The following P2RY14 variants were observed in gnomAD, a reference collection of about 807,000 sequenced individuals.
The protein encoded by P2RY14 is P2Y purinoceptor 14.
A neutral mutation model predicts 0.9 loss-of-function variants in P2RY14; 2 were observed. The observed-to-expected ratio is 2.16, with a 90% confidence interval of 0.88 to 6.79. P2RY14 has a LOEUF of 6.79. Among genes scored for constraint, P2RY14 ranks in the 30% most tolerant of loss-of-function variants. P2RY14 has a pLI of 0.05. For synonymous variants in P2RY14, 158 were observed against 147.2 expected, an observed-to-expected ratio of 1.07 and a Z score of -0.53; for missense variants, 378 against 400.1, an observed-to-expected ratio of 0.94 and a Z score of 0.47.
At chr3:151,226,030 A>G (rs1191738273) in intron 1 of P2RY14, among the ~76,000 whole-genome samples, 2 of 152,198 alleles carry the variant, frequency 1.3e-5, no homozygotes, top group African/African-American at 4.8e-5. Context: ...ACATGCTGCC[A>G]TGCCCTATGG....
At chr3:151,262,770 GT>G (rs1739141184) in intron 1 of P2RY14, among the ~76,000 whole-genome samples, 1 of 151,950 alleles carries the variant, frequency 6.6e-6, no homozygotes, top group Admixed American at 6.6e-5. Context: ...GACTTACTGA[GT>G]TTTTATTGTA....
intron 1 of P2RY14, among the ~76,000 whole-genome samples, chr3:151,220,062 T>G (rs2149261623): frequency 6.7e-6 from 1 of 150,224 alleles, no homozygotes; most frequent in South Asian, 2.1e-4. Flanking sequence ...TAATTATTTA[T>G]TTTTGGGAGC....
intron 1 of P2RY14, among the ~76,000 whole-genome samples, chr3:151,235,032 G>A (rs780019784): frequency 4.6e-5 from 7 of 152,220 alleles, no homozygotes; most frequent in Non-Finnish European, 1.0e-4. Flanking sequence ...TGTATGCGGT[G>A]GAGGTTGTGA....
chr3:151,257,744 A>G (rs964277206), intron 1 of P2RY14, among the ~76,000 whole-genome samples: 5 of 152,214 alleles, frequency 3.3e-5, no homozygotes, highest in African/African-American at 1.2e-4. Flanking sequence ...TAAACATGGT[A>G]TTTATGGAGC....
At chr3:151,248,575 G>A (rs1736215661) in intron 1 of P2RY14, among the ~76,000 whole-genome samples, 1 of 151,914 alleles carries the variant, frequency 6.6e-6, no homozygotes, top group South Asian at 2.1e-4. Context: ...ATACCCATCC[G>A]ACTGTCTGGA....
intron 1 of P2RY14, among the ~76,000 whole-genome samples, chr3:151,272,981 G>C (rs1559967134): frequency 6.6e-6 from 1 of 152,092 alleles, no homozygotes; most frequent in Non-Finnish European, 1.5e-5. Flanking sequence ...TTTGAGGGCT[G>C]ACATGACTCT....
intron 1 of P2RY14, among the ~76,000 whole-genome samples, chr3:151,264,838 G>A (rs967307927): frequency 5.3e-5 from 8 of 152,116 alleles, no homozygotes; most frequent in African/African-American, 1.9e-4. Flanking sequence ...GGCCTGCATG[G>A]CTCTACATGA....
At chr3:151,250,359 C>A (rs1736600307) in intron 1 of P2RY14, among the ~76,000 whole-genome samples, 1 of 152,106 alleles carries the variant, frequency 6.6e-6, no homozygotes. Flanking sequence ...GTTGTGTAAC[C>A]ATCATCACCA....
At chr3:151,268,826 C>A (rs1251533329) in intron 1 of P2RY14, among the ~76,000 whole-genome samples, 1 of 152,184 alleles carries the variant, frequency 6.6e-6, no homozygotes, top group Non-Finnish European at 1.5e-5. Flanking sequence ...AAAGGTAAAA[C>A]TAAGACCACA....
intron 2 of P2RY14, among the ~76,000 whole-genome samples, chr3:151,218,727 T>A (rs1728722549): frequency 6.6e-6 from 1 of 150,962 alleles, no homozygotes; most frequent in African/African-American, 2.4e-5. Flanking sequence ...ATTAGCCAGG[T>A]GTGGTGGCAT....
chr3:151,222,484 G>C (rs1729563296), intron 1 of P2RY14, among the ~76,000 whole-genome samples: 3 of 152,160 alleles, frequency 2.0e-5, no homozygotes, highest in African/African-American at 4.8e-5. Context: ...TATGGGAGTA[G>C]ATCTTTCTGT....
chr3:151,259,365 C>G (rs542640515), intron 1 of P2RY14, among the ~76,000 whole-genome samples: 6 of 152,178 alleles, frequency 3.9e-5, no homozygotes, highest in Non-Finnish European at 8.8e-5. Context: ...CCAGGAAATA[C>G]TTTCAGTGAG....
At chr3:151,250,436 A>G (rs976656034) in intron 1 of P2RY14, among the ~76,000 whole-genome samples, 5 of 152,092 alleles carry the variant, frequency 3.3e-5, no homozygotes, top group African/African-American at 9.7e-5. Context: ...ATAATTCTCC[A>G]TTTATCCTTG....
intron 1 of P2RY14, among the ~76,000 whole-genome samples, chr3:151,244,568 G>A (rs563793987): frequency 4.6e-5 from 7 of 151,158 alleles, no homozygotes; most frequent in African/African-American, 1.5e-4. Context: ...TTTGAAACCA[G>A]TGAGAACAAA....
chr3:151,226,152 G>C (rs1730449750), intron 1 of P2RY14, among the ~76,000 whole-genome samples: 1 of 152,208 alleles, frequency 6.6e-6, no homozygotes, highest in African/African-American at 2.4e-5. Context: ...CAGGAACACA[G>C]TGAGCACGTA....
In P2RY14 at chr3:151,225,526, C is replaced by A. The variant is rs549758191; in HGVS notation, c.-132-5884G>T. On this transcript the variant is annotated intron_variant, in intron 1 of 2. Coordinates refer to ENST00000309170, the MANE Select transcript of P2RY14 (RefSeq NM_014879.4). ...GAGGCCTTTGCTATCATGATCTAAT[C>A]ATCTCTCAAAGGTACCACCTCTTAA... 9.9e-5 allele frequency among the ~76,000 whole-genome samples: 15 copies of A among 152,274 alleles called. No homozygotes were observed. The Middle Eastern group carries it at 0.01, about 104-fold the overall frequency.
At chr3:151,234,617 A>AG (rs1229840366) in intron 1 of P2RY14, among the ~76,000 whole-genome samples, 1 of 152,236 alleles carries the variant, frequency 6.6e-6, no homozygotes, top group Non-Finnish European at 1.5e-5. Flanking sequence ...AGAAAGATGA[A>AG]GGGAGCTTAA....
At chr3:151,258,949 C>G (rs182584875) in intron 1 of P2RY14, among the ~76,000 whole-genome samples, 11 of 151,992 alleles carry the variant, frequency 7.2e-5, no homozygotes, top group South Asian at 4.1e-4. Context: ...CTGTTAGCCT[C>G]TGCAGGCTTC....
chr3:151,239,985 A>C (rs983763018), intron 1 of P2RY14, among the ~76,000 whole-genome samples: 1 of 151,668 alleles, frequency 6.6e-6, no homozygotes, highest in Non-Finnish European at 1.5e-5. Context: ...TTGTTTATCT[A>C]CCCACCAGAT....
Sources: gnomAD v4.1 joint callset for allele counts (sites outside exome capture counted in the v4.1 genomes callset) on GRCh38, gnomAD v4.1.1 for gene constraint, MANE v1.5 for transcripts, NCBI Gene and HGNC (gene_info 2026-07-23, HGNC 2026-07-21) for gene names.